Variants in NRG1 observed in about 807,000 individuals in gnomAD.
NRG1 encodes the protein pro-neuregulin-1, membrane-bound isoform.
Under a neutral mutation model 63.8 loss-of-function variants are expected in NRG1, and 18 were observed. The observed-to-expected ratio is 0.28, with a 90% CI of 0.19 to 0.42. The LOEUF is 0.42. Ranked by LOEUF, NRG1 falls within the 10% of genes least tolerant of loss-of-function variation. The pLI, the probability that NRG1 is intolerant of heterozygous loss-of-function variation, is 1.00. For missense variants in NRG1, 762 were observed against 814.7 expected (o/e 0.94, Z 0.79); for synonymous variants, 302 against 301.3 (o/e 1.00, Z -0.02).
At chr8:32,303,027 C>CA (rs1260826360) in intron 1 of NRG1, among the ~76,000 whole-genome samples, 1 of 151,532 alleles carries the variant, frequency 6.6e-6, no homozygotes, top group Non-Finnish European at 1.5e-5. Flanking sequence ...GCTAAAAATA[C>CA]AAAAATTAGC....
chr8:32,365,844 G>A (rs1457599268), intron 1 of NRG1, among the ~76,000 whole-genome samples: 1 of 152,082 alleles, frequency 6.6e-6, no homozygotes. Context: ...TAACAAAATT[G>A]ATTTAGTAAA....
intron 1 of NRG1, among the ~76,000 whole-genome samples, chr8:31,743,567 T>C (rs541226034): frequency 2.9e-5 from 4 of 139,702 alleles, no homozygotes; most frequent in African/African-American, 9.8e-5. Flanking sequence ...AATATGTGTG[T>C]GTGTGTGGGT....
Position 32,412,429 on chromosome 8 carries a change from T to TATATATATATATATATAC in NRG1, c.38-183382_38-183381insCATATATATATATATATA, listed in dbSNP as rs1815147381. Reference sequence around the variant, plus strand: ...CTCTCTCTCTCTCTCTCTACATATATATATATATATATATATATATATACA... The same window carrying TATATATATATATATATAC: ...CTCTCTCTCTCTCTCTCTACATATATATATATATATATATATACATATATATATATATATATATATACA... On this transcript the variant is annotated intron_variant, in intron 1 of 10. Coordinates refer to the NRG1 transcript ENST00000519301. 6.8e-5 allele frequency among the ~76,000 whole-genome samples: 3 copies of TATATATATATATATATAC among 44,430 alleles called. 1 individual carries two copies. The East Asian group carries it at 1.2e-3, about 18-fold the overall frequency. The allele number at this position is 44,430 out of a possible 152,430, so 29.1% of individuals were successfully genotyped here.
At chr8:31,814,005 A>G (rs544382030) in intron 1 of NRG1, among the ~76,000 whole-genome samples, 36 of 152,318 alleles carry the variant, frequency 2.4e-4, no homozygotes, top group South Asian at 6.2e-4. Context: ...TTGAGCTTGC[A>G]CACAAACTTT....
chr8:32,760,174 G>C (rs764476943), intron 10 of NRG1, 26 bp from the exon 11 acceptor site: 3 of 1,612,604 alleles, frequency 1.9e-6, no homozygotes, highest in South Asian at 1.1e-5. Flanking sequence ...CGAAATATCT[G>C]ATTGTCTCTC....
chr8:32,186,460 CAAA>C (rs748750103), intron 1 of NRG1, among the ~76,000 whole-genome samples: 1 of 52,236 alleles, frequency 1.9e-5, no homozygotes, highest in Non-Finnish European at 4.3e-5. Context: ...GACTCCGTCT[CAAA>C]AAAAAAAAAA....
intron 1 of NRG1, among the ~76,000 whole-genome samples, chr8:32,093,481 C>A (rs1378714229): frequency 6.6e-6 from 1 of 152,184 alleles, no homozygotes; most frequent in East Asian, 1.9e-4. Context: ...TTTCATGTGG[C>A]AAGTGCTTCT....
intron 1 of NRG1, among the ~76,000 whole-genome samples, chr8:31,661,159 T>C (rs1385943809): frequency 6.6e-6 from 1 of 152,214 alleles, no homozygotes; most frequent in East Asian, 1.9e-4. Context: ...TGGTTACATC[T>C]AAATGGAATA....
chr8:31,654,527 G>A (rs1805229151), intron 1 of NRG1, among the ~76,000 whole-genome samples: 3 of 152,176 alleles, frequency 2.0e-5, no homozygotes, highest in Non-Finnish European at 4.4e-5. Flanking sequence ...TCGGCTGTTC[G>A]GCTTTGTAAG....
chr8:32,524,049 G>A (rs1830579166), intron 1 of NRG1, among the ~76,000 whole-genome samples: 1 of 152,052 alleles, frequency 6.6e-6, no homozygotes, highest in African/African-American at 2.4e-5. Context: ...CACTTTGAGA[G>A]GCTGAGGCAG....
chr8:32,746,867 C>CTTTTTT lies in NRG1; in HGVS notation c.691+4146_691+4151dup, dbSNP rs376346951. Among the ~76,000 whole-genome samples the CTTTTTT allele has an allele frequency of 9.0e-4, 114 of 127,314 alleles. 2 individuals are homozygous for CTTTTTT. The highest frequency in any genetic ancestry group is 3.2e-3 in the African/African-American group (112 of 34,890). The allele number at this position is 127,314 out of a possible 152,430, so 83.5% of individuals were successfully genotyped here. ...AAATGAAAAGTGTTCGTGTATTCTG[C>CTTTTTT]TTTTTTTTTTTTTTTTTGACTTACA... On this transcript the variant is annotated intron_variant, in intron 7 of 11. Transcript: ENST00000356819.
chr8:31,971,808 G>A (rs763147918), intron 1 of NRG1, among the ~76,000 whole-genome samples: 1 of 151,986 alleles, frequency 6.6e-6, no homozygotes, highest in African/African-American at 2.4e-5. Flanking sequence ...ACTCCCCCAA[G>A]CATTATCCAA....
rs1817965971 is a variant in NRG1, at chr8:32,029,682, T to C, written c.37+390251T>C. Among the ~76,000 whole-genome samples the C allele has an allele frequency of 2.0e-5, 3 of 152,232 alleles. No homozygotes were observed. In the South Asian group the frequency reaches 6.2e-4, roughly 31 times the overall value. On this transcript the variant is annotated intron_variant, in intron 1 of 10. Transcript: ENST00000519301. ...GTTTTACTTTGTTACTTAGGACTCA[T>C]ATCGAGGTTTCTAAAGCCCACATCT...
At chr8:32,601,348 T>C (rs1032091523) in intron 2 of NRG1, among the ~76,000 whole-genome samples, 2 of 152,184 alleles carry the variant, frequency 1.3e-5, no homozygotes, top group African/African-American at 4.8e-5. Flanking sequence ...ATTTAATCTT[T>C]CTCTGCACAG....
At chr8:32,281,623 C>T (rs1044437580) in intron 1 of NRG1, among the ~76,000 whole-genome samples, 1 of 152,130 alleles carries the variant, frequency 6.6e-6, no homozygotes, top group African/African-American at 2.4e-5. Context: ...ATTTGGTTCT[C>T]TGTTCTTGCA....
chr8:31,640,767 A>G lies in NRG1; in HGVS notation c.37+1336A>G. 6.8e-7 allele frequency: 1 copy of G among 1,462,568 alleles called. No individual in the cohort carries two copies. Among genetic ancestry groups the G allele is most frequent in the South Asian group, 1.4e-5 (1 of 70,492 alleles). 90.6% of individuals were successfully genotyped at this position (1,462,568 alleles called of 1,614,324 possible). ...CCCTTGGGGGCGCGAACCCGCGGCG[A>G]GGAGGGCGCATCCCGGGCGCGCGGG... On this transcript the variant is annotated intron_variant, in intron 1 of 10. Coordinates refer to the NRG1 transcript ENST00000519301. The surrounding 1 kb of genome is among the most constrained non-coding windows in gnomAD (Gnocchi z 6.3).
chr8:32,551,200 T>C (rs2129524201), intron 1 of NRG1, among the ~76,000 whole-genome samples: 1 of 152,244 alleles, frequency 6.6e-6, no homozygotes, highest in East Asian at 1.9e-4. Context: ...TTTCAGGCAT[T>C]CCCAAAGGAA....
At chr8:32,413,447 T>C (rs957220501) in intron 1 of NRG1, among the ~76,000 whole-genome samples, 3 of 152,182 alleles carry the variant, frequency 2.0e-5, no homozygotes, top group Non-Finnish European at 4.4e-5. Context: ...CTTAGGCTTG[T>C]AGCATTCCAT....
At chr8:31,737,290 T>C (rs1307134316) in intron 1 of NRG1, among the ~76,000 whole-genome samples, 1 of 152,090 alleles carries the variant, frequency 6.6e-6, no homozygotes, top group South Asian at 2.1e-4. Flanking sequence ...AATCCAAGAC[T>C]GTGTTATGTG....
Sources: allele counts gnomAD v4.1 joint callset (sites outside exome capture counted in the v4.1 genomes callset), GRCh38; gene constraint gnomAD v4.1.1; non-coding constraint Gnocchi (gnomAD v3.1); transcripts MANE v1.5; gene names NCBI Gene and HGNC (gene_info 2026-07-23, HGNC 2026-07-21).